The following IGLL1 variants were observed in gnomAD, a reference collection of about 807,000 sequenced individuals.
The protein encoded by IGLL1 is immunoglobulin lambda-like polypeptide 1.
A neutral mutation model predicts 10.5 loss-of-function variants in IGLL1; 10 were observed. The ratio of observed to expected loss-of-function variants is 0.95; its 90% CI spans 0.59 to 1.62. IGLL1 has a LOEUF of 1.62. Ranked by LOEUF, IGLL1 falls within the 40% of genes most tolerant of loss-of-function variation. IGLL1 has a pLI of 0.00. For synonymous variants in IGLL1, 141 were observed against 122.7 expected (o/e 1.15, Z -0.99); for missense variants, 284 against 278.7 (o/e 1.02, Z -0.14).
chr22:23,573,343 G>A lies in IGLL1; in HGVS notation c.565C>T (p.Arg189Cys), dbSNP rs751951494. The A allele has an allele frequency of 5.6e-6, 9 of 1,614,084 alleles. No individual in the cohort carries two copies. The highest frequency in any genetic ancestry group is 2.7e-5 in the African/African-American group (2 of 75,012). ...LSLTPEQWRS[R>C]RSYSCQVMHE... ...ATGACCTGGCAGCTGTAGCTTCTGC[G>A]GGACCTCCACTGCTCGGGCGTCAGG... is the stretch of plus-strand genomic sequence containing the variant. The change falls in exon 3 of 3, where the codon CGC (arginine) becomes TGC (cysteine). Residue 189 changes from arginine to cysteine, a missense_variant. Physicochemically the swap from Arg to Cys is radical, Grantham distance 180 (BLOSUM62 -3). Coordinates refer to ENST00000330377, the MANE Select transcript of IGLL1 (RefSeq NM_020070.4).
At chr22:23,577,031 TA>T (rs1925094336) in intron 1 of IGLL1, among the ~76,000 whole-genome samples, 2 of 152,230 alleles carry the variant, frequency 1.3e-5, no homozygotes, top group African/African-American at 2.4e-5. Flanking sequence ...TCACTAAGTA[TA>T]ATGTCTTCAG....
In IGLL1 at chr22:23,573,353, C is replaced by G; in HGVS notation, c.555G>C (p.Gln185His). ...ASSYLSLTPE[Q>H]WRSRRSYSCQ... ...AGCTGTAGCTTCTGCGGGACCTCCA[C>G]TGCTCGGGCGTCAGGCTCAGGTAGC... is the stretch of plus-strand genomic sequence containing the variant. Residue 185 changes from glutamine to histidine, a missense_variant, in exon 3 of 3, where the codon CAG becomes CAC. Transcript: ENST00000330377. 6.2e-7 allele frequency: 1 copy of G among 1,614,148 alleles called. No homozygotes were observed. Among genetic ancestry groups the G allele is most frequent in the Non-Finnish European group, 8.5e-7 (1 of 1,180,022 alleles).
rs1924861532 is a variant in IGLL1 at position 23,573,244 on chromosome 22, G to A, written c.*22C>T. ...GGATCCTGCAGCTCCAGGCCCCTTT[G>A]GGTGGGGTCGGGGCTGGGAACCTAT... On this transcript the variant is annotated 3_prime_UTR_variant, in exon 3 of 3. Transcript: ENST00000330377. 1.2e-6 allele frequency: 2 copies of A among 1,610,534 alleles called. No homozygotes were observed. Among genetic ancestry groups the A allele is most frequent in the Non-Finnish European group, 1.7e-6 (2 of 1,176,950 alleles).
chr22:23,578,677 C>T (rs150163881), intron 1 of IGLL1, among the ~76,000 whole-genome samples: 1,839 of 152,178 alleles, frequency 0.012, 21 homozygotes, highest in Non-Finnish European at 0.018. Context: ...AACTCAGGCC[C>T]GGTGTGGTGT....
Position 23,578,492 on chromosome 22 carries a change from G to A in IGLL1, c.206+1493C>T, listed in dbSNP as rs185398409. 2.6e-5 allele frequency among the ~76,000 whole-genome samples: 4 copies of A among 152,338 alleles called. No homozygotes were observed. In the East Asian group the frequency reaches 5.8e-4, roughly 22 times the overall value. Reference sequence around the variant, plus strand: ...TGCTCAGAAGTCCGTGCAGGACACTGACACCCGGTCCCGGCCTGCCACCAT... The same window carrying A: ...TGCTCAGAAGTCCGTGCAGGACACTAACACCCGGTCCCGGCCTGCCACCAT... On this transcript the variant is annotated intron_variant, in intron 1 of 2. Coordinates refer to ENST00000330377, the MANE Select transcript of IGLL1 (RefSeq NM_020070.4).
chr22:23,574,150 C>A (rs55873137), intron 2 of IGLL1, among the ~76,000 whole-genome samples: 4,904 of 133,444 alleles, frequency 0.037, 482 homozygotes, highest in African/African-American at 0.092. Context: ...GGCTGCTCCC[C>A]CAGACTTTGG....
In IGLL1 at chr22:23,574,012, C is replaced by A. The variant is rs866227256; in HGVS notation, c.323-427G>T. 9.8e-3 allele frequency among the ~76,000 whole-genome samples: 1,443 copies of A among 147,730 alleles called. 25 individuals are homozygous for A. Among genetic ancestry groups the A allele is most frequent in the African/African-American group, 0.034 (1,280 of 37,596 alleles). ...CCATCCCCTGGGGCACCAGGCTGTG[C>A]CCCAGCCTGGCCCACTCAGCTCTCC... On this transcript the variant is annotated intron_variant, in intron 2 of 2. Transcript: ENST00000330377.
In IGLL1 at chr22:23,574,748, C is replaced by T. The variant is rs115907934; in HGVS notation, c.322+219G>A. Among the ~76,000 whole-genome samples the T allele has an allele frequency of 0.016, 2,467 of 152,274 alleles. 62 individuals are homozygous for T. The highest frequency in any genetic ancestry group is 0.054 in the African/African-American group (2,249 of 41,548). On this transcript the variant is annotated intron_variant, in intron 2 of 2. Transcript: ENST00000330377. ...TCCCAGCCCAGGCCCTGGGACCAGGCTGTGTCCTGCTGTTGGAACCTGAAG... is the reference window on the plus strand; with the variant it reads ...TCCCAGCCCAGGCCCTGGGACCAGGTTGTGTCCTGCTGTTGGAACCTGAAG...
chr22:23,577,975 C>T (rs1925145344), intron 1 of IGLL1, among the ~76,000 whole-genome samples: 1 of 151,740 alleles, frequency 6.6e-6, no homozygotes, highest in South Asian at 2.1e-4. Context: ...ACCTCCACCT[C>T]CCTGATTCAA....
At chr22:23,577,730 C>A (rs112581497) in intron 1 of IGLL1, among the ~76,000 whole-genome samples, 1 of 151,982 alleles carries the variant, frequency 6.6e-6, no homozygotes, top group African/African-American at 2.4e-5. Context: ...GAAATGGGGT[C>A]TTGCTATGTT....
intron 2 of IGLL1, among the ~76,000 whole-genome samples, chr22:23,574,114 A>T (rs1924932291): frequency 6.8e-6 from 1 of 146,622 alleles, no homozygotes; most frequent in African/African-American, 2.7e-5. Context: ...CGACCACAGG[A>T]CCCTTCACAT....
chr22:23,574,087 C>T (rs1924930425), intron 2 of IGLL1, among the ~76,000 whole-genome samples: 1 of 150,852 alleles, frequency 6.6e-6, no homozygotes, highest in East Asian at 1.9e-4. Flanking sequence ...CTGCCGTCGC[C>T]CCTGTCCCCA....
In IGLL1 at chr22:23,580,287, T is replaced by C; in HGVS notation, c.-97A>G. 11 of 1,523,014 alleles carry C rather than the reference T, an allele frequency of 7.2e-6. No individual in the cohort carries two copies. The highest frequency in any genetic ancestry group is 9.7e-6 in the Non-Finnish European group (11 of 1,138,582). The allele number at this position is 1,523,014 out of a possible 1,614,324, so 94.3% of individuals were successfully genotyped here. On this transcript the variant is annotated 5_prime_UTR_variant, in exon 1 of 3. The change abolishes an upstream ATG in the 5' untranslated region. Transcript: ENST00000330377. Reference sequence around the variant, plus strand: ...CCTCTCGCTGGCAGCAGCTGTCCCATTGCACCCCAGTCCATGTGGCCCCAT... The same window carrying C: ...CCTCTCGCTGGCAGCAGCTGTCCCACTGCACCCCAGTCCATGTGGCCCCAT...
Position 23,575,075 on chromosome 22 carries a change from G to C in IGLL1, c.214C>G (p.Leu72Val). 6.2e-7 allele frequency: 1 copy of C among 1,612,940 alleles called. No homozygotes were observed. Among genetic ancestry groups the C allele is most frequent in the Non-Finnish European group, 8.5e-7 (1 of 1,178,914 alleles). Residue 72 changes from leucine to valine, a missense_variant, in exon 2 of 3, where the codon CTC becomes GTC. By Grantham distance (32) the Leu-to-Val change is conservative. Transcript: ENST00000330377. ...GGGCCAGTCCAGGAGCCGCGCTGGAGCAGGAACCTGCTGGGAGTGAGGGGC... is the reference window on the plus strand; with the variant it reads ...GGGCCAGTCCAGGAGCCGCGCTGGACCAGGAACCTGCTGGGAGTGAGGGGC... Reference protein sequence around the residue: ...SLRSRWGRFLLQRGSWTGPRC... With the variant: ...SLRSRWGRFLVQRGSWTGPRC...
At chr22:23,579,923 GTCA>G in intron 1 of IGLL1, 59 bp downstream of exon 1, 1 of 1,426,002 alleles carries the variant, frequency 7.0e-7, no homozygotes, top group South Asian at 1.3e-5. Context: ...TCTCCCCTTG[GTCA>G]TCCTTTCCCG....
intron 1 of IGLL1, among the ~76,000 whole-genome samples, chr22:23,575,596 A>G (rs982538096): frequency 1.3e-5 from 2 of 152,162 alleles, no homozygotes; most frequent in Non-Finnish European, 2.9e-5. Context: ...CCATCTATGC[A>G]TCTGTCCATC....
Position 23,573,256 on chromosome 22 carries a change from G to A in IGLL1, c.*10C>T, listed in dbSNP as rs770502019. The A allele has an allele frequency of 1.2e-6, 2 of 1,613,626 alleles. No homozygotes were observed. The highest frequency in any genetic ancestry group is 2.7e-5 in the African/African-American group (2 of 74,894). The stretch of plus-strand genomic sequence containing the variant: ...TCCAGGCCCCTTTGGGTGGGGTCGG[G>A]GCTGGGAACCTATGAACATTCTGCA... On this transcript the variant is annotated 3_prime_UTR_variant, in exon 3 of 3. Transcript: ENST00000330377.
At chr22:23,576,110 G>A (rs8139361) in intron 1 of IGLL1, among the ~76,000 whole-genome samples, 6 of 151,884 alleles carry the variant, frequency 4.0e-5, no homozygotes, top group Non-Finnish European at 5.9e-5. Context: ...AACTAATCAC[G>A]TCCAGAGGAG....
At position 23,573,381 on chromosome 22, in the gene IGLL1, C is replaced by T. The variant is rs765426613; in HGVS notation, c.527G>A (p.Ser176Asn). Residue 176 changes from serine to asparagine, a missense_variant, in exon 3 of 3, where the codon AGC (serine) becomes AAC (asparagine). Coordinates refer to ENST00000330377, the MANE Select transcript of IGLL1 (RefSeq NM_020070.4). Reference protein sequence around the residue: ...SKQSNNKYAASSYLSLTPEQW... With the variant: ...SKQSNNKYAANSYLSLTPEQW... ...CTCGGGCGTCAGGCTCAGGTAGCTGCTGGCCGCGTACTTGTTGTTGCTCTG... is the reference window on the plus strand; with the variant it reads ...CTCGGGCGTCAGGCTCAGGTAGCTGTTGGCCGCGTACTTGTTGTTGCTCTG... 10 of 1,614,140 alleles carry T rather than the reference C, an allele frequency of 6.2e-6. No homozygotes were observed. In the Admixed American group the frequency reaches 1.7e-4, roughly 27 times the overall value.
Sources: allele counts gnomAD v4.1 joint callset (sites outside exome capture counted in the v4.1 genomes callset), GRCh38; gene constraint gnomAD v4.1.1; transcripts MANE v1.5; gene names NCBI Gene and HGNC (gene_info 2026-07-23, HGNC 2026-07-21).